The following ALOXE3 variants were observed in gnomAD, a reference collection of about 807,000 sequenced individuals.
ALOXE3 encodes the protein arachidonate epidermal lipoxygenase 3, also known as hydroperoxide isomerase ALOXE3.
A neutral mutation model predicts 87.5 loss-of-function variants in ALOXE3; 78 were observed. That is an observed-to-expected ratio of 0.89 (90% CI 0.74 to 1.08). The LOEUF (loss-of-function observed/expected upper bound fraction) is 1.08. Among genes scored for constraint, ALOXE3 ranks in the 50% least tolerant of loss-of-function variants. The pLI, the probability that ALOXE3 is intolerant of heterozygous loss-of-function variation, is 0.00. For missense variants in ALOXE3, 946 were observed against 912.4 expected, an observed-to-expected ratio of 1.04 and a Z score of -0.47; for synonymous variants, 363 against 370.8, an observed-to-expected ratio of 0.98 and a Z score of 0.24.
chr17:8,108,654 G>T, intron 12 of ALOXE3, 65 bp from the exon 13 acceptor site: 1 of 1,589,288 alleles, frequency 6.3e-7, no homozygotes. Context: ...AGGAAACCGA[G>T]GCCCACTGCT....
At chr17:8,096,942 C>G in intron 15 of ALOXE3, 136 bp from the exon 16 acceptor site, 1 of 983,892 alleles carries the variant, frequency 1.0e-6, no homozygotes. Flanking sequence ...TAAACACTTG[C>G]CCCAAACTGC....
intron 13 of ALOXE3, among the ~76,000 whole-genome samples, chr17:8,106,683 G>T (rs11078733): frequency 1.8e-3 from 272 of 152,034 alleles, no homozygotes; most frequent in African/African-American, 6.0e-3. Context: ...AAAATTATCC[G>T]GGCGTGGTAG....
Position 8,109,353 on chromosome 17 carries a change from C to A in ALOXE3, c.1393-10G>T. ...TCCCGATGGACGTGACCTGAGGACACAGCACAGCTCGGCTCCCGGGCCGGC... is the reference window on the plus strand; with the variant it reads ...TCCCGATGGACGTGACCTGAGGACAAAGCACAGCTCGGCTCCCGGGCCGGC... On this transcript the variant is annotated splice_polypyrimidine_tract_variant and intron_variant, in intron 11 of 15. Coordinates refer to ENST00000448843, the MANE Select transcript of ALOXE3 (RefSeq NM_021628.3). The A allele has an allele frequency of 6.2e-7, 1 of 1,613,180 alleles. No homozygotes were observed. Among genetic ancestry groups the A allele is most frequent in the Admixed American group, 1.7e-5 (1 of 60,020 alleles).
chr17:8,098,852 T>A (rs780782251), intron 15 of ALOXE3, among the ~76,000 whole-genome samples: 17 of 151,810 alleles, frequency 1.1e-4, no homozygotes, highest in Non-Finnish European at 1.9e-4. Flanking sequence ...ATATATATAT[T>A]TTTTTCTTTT....
At position 8,096,862 on chromosome 17, in the gene ALOXE3, C is replaced by G. The variant is rs938091581; in HGVS notation, c.1957-56G>C. ...GACATTCAGATGGGATGGGGAATAA[C>G]GGAGGACCACATGTAACAGCAAATC... On this transcript the variant is annotated intron_variant, in intron 15 of 15. Transcript: ENST00000448843. 84 of 1,584,170 alleles carry G rather than the reference C, an allele frequency of 5.3e-5. No homozygotes were observed. In the East Asian group the frequency reaches 6.7e-4, roughly 13 times the overall value.
chr17:8,112,210 A>G lies in ALOXE3; in HGVS notation c.681-14T>C, dbSNP rs756813855. ...ATTCCCAAGGACCTGATGGGAGAGG[A>G]AAAGATGAGGGTGAGGTCTGGGGGC... On this transcript the variant is annotated splice_polypyrimidine_tract_variant and intron_variant, in intron 6 of 15. Transcript: ENST00000448843. 4 of 1,603,516 alleles carry G rather than the reference A, an allele frequency of 2.5e-6. No homozygotes were observed. In the South Asian group the frequency reaches 4.4e-5, roughly 18 times the overall value.
intron 15 of ALOXE3, among the ~76,000 whole-genome samples, chr17:8,100,449 T>G (rs1048546397): frequency 1.3e-5 from 2 of 152,222 alleles, no homozygotes; most frequent in Admixed American, 1.3e-4. Flanking sequence ...CCCTAGCCAG[T>G]ACCCTCTGGA....
intron 12 of ALOXE3, 29 bp from the exon 13 acceptor site, chr17:8,108,618 G>A: frequency 6.2e-7 from 1 of 1,604,664 alleles, no homozygotes; most frequent in Non-Finnish European, 8.5e-7. Context: ...GGTACCACTG[G>A]AGTAACCACG....
rs745887340 is a variant in ALOXE3, at chr17:8,114,589, G to A, written c.575C>T (p.Pro192Leu). The stretch of plus-strand genomic sequence containing the variant: ...GATGTCAATTTTCATGGGGAAGCCG[G>A]GCAGGTACCGATTCCCACTGCTGGG... ...QGDSSGNRYL[P>L]GFPMKIDIPS... is the part of the protein sequence containing the mutation. Residue 192 changes from proline (P) to leucine (L), a missense_variant, in exon 6 of 16, where the codon CCC becomes CTC. Physicochemically the swap from Pro to Leu is moderately conservative, Grantham distance 98. Transcript: ENST00000448843. 6.2e-7 allele frequency: 1 copy of A among 1,613,984 alleles called. No homozygotes were observed. Among genetic ancestry groups the A allele is most frequent in the South Asian group, 1.1e-5 (1 of 91,062 alleles).
Position 8,114,974 on chromosome 17 carries a change from A to C in ALOXE3, c.518T>G (p.Leu173Trp). The C allele has an allele frequency of 1.2e-6, 2 of 1,614,108 alleles. No homozygotes were observed. Among genetic ancestry groups the C allele is most frequent in the Non-Finnish European group, 1.7e-6 (2 of 1,180,028 alleles). ...GTCTACACAAGTTGTCGTCTTTGTC[A>C]AGGCAAATTTCTTGTCTGACTCCAT... is the stretch of plus-strand genomic sequence containing the variant. ...QEMESDKKFA[L>W]TKTTTCVDQG... Residue 173 changes from leucine (L) to tryptophan (W), a missense_variant, in exon 5 of 16, where the codon TTG (leucine) becomes TGG (tryptophan). Transcript: ENST00000448843.
rs1226419976 is a variant in ALOXE3 at position 8,116,968 on chromosome 17, T to G, written c.160A>C (p.Lys54Gln). Residue 54 changes from lysine (K) to glutamine (Q), a missense_variant, in exon 3 of 16, where the codon AAG (lysine) becomes CAG (glutamine). Lys to Gln is a moderately conservative substitution (Grantham distance 53). Coordinates refer to ENST00000448843, the MANE Select transcript of ALOXE3 (RefSeq NM_021628.3). ...DFAPGSVQKYKVRCTAELGEL... is the reference protein window; with the variant it reads ...DFAPGSVQKYQVRCTAELGEL... ...CCCAGCTCCGCTGTGCAACGCACCT[T>G]GTACTTCTGTACCTGAGGGGACCAA... 2 of 1,613,694 alleles carry G rather than the reference T, an allele frequency of 1.2e-6. No individual in the cohort carries two copies. Among genetic ancestry groups the G allele is most frequent in the African/African-American group, 2.7e-5 (2 of 74,940 alleles).
In ALOXE3 at chr17:8,118,078, G is replaced by A. The variant is rs1980773996; in HGVS notation, c.-88C>T. The A allele has an allele frequency of 1.3e-6, 2 of 1,568,208 alleles. No homozygotes were observed. Among genetic ancestry groups the A allele is most frequent in the Non-Finnish European group, 1.7e-6 (2 of 1,158,030 alleles). Reference sequence around the variant, plus strand: ...AAGAGCGGCACGCCGGACAGGGCTGGGTTTCTGGGCGGAGGGCTAGGGGCT... The same window carrying A: ...AAGAGCGGCACGCCGGACAGGGCTGAGTTTCTGGGCGGAGGGCTAGGGGCT... On this transcript the variant is annotated 5_prime_UTR_variant, in exon 2 of 16. Transcript: ENST00000448843.
chr17:8,107,998 GGAAAGAAAGAAA>G (rs1222861475), intron 13 of ALOXE3, among the ~76,000 whole-genome samples: 605 of 6,564 alleles, frequency 0.092, 80 homozygotes, highest in Middle Eastern at 0.12. Context: ...AAGAAAGGAA[GGAAAGAAAGAAA>G]GAAAGAAAGA....
Position 8,104,099 on chromosome 17 carries a change from C to G in ALOXE3, c.1785+16G>C. ...CTGAGACCTGATGTCCCCAGGCCTGCCCTTTGTAGCCTCACCTGCCCACTG... is the reference window on the plus strand; with the variant it reads ...CTGAGACCTGATGTCCCCAGGCCTGGCCTTTGTAGCCTCACCTGCCCACTG... On this transcript the variant is annotated intron_variant, in intron 14 of 15. Transcript: ENST00000448843. The G allele has an allele frequency of 6.2e-7, 1 of 1,610,598 alleles. No individual in the cohort carries two copies. Among genetic ancestry groups the G allele is most frequent in the Non-Finnish European group, 8.5e-7 (1 of 1,177,766 alleles).
At chr17:8,118,626 T>C (rs1048815876), upstream of ALOXE3, 3 of 1,536,206 alleles carry the variant, frequency 2.0e-6, no homozygotes, top group African/African-American at 4.1e-5. Flanking sequence ...CAGGAACAGC[T>C]CCCTGTCACC....
intron 3 of ALOXE3, among the ~76,000 whole-genome samples, chr17:8,116,483 A>G (rs959269922): frequency 2.0e-5 from 3 of 152,126 alleles, no homozygotes; most frequent in African/African-American, 7.2e-5. Context: ...CTCACTCTGG[A>G]GAAGTGCAGA....
chr17:8,097,021 C>T lies in ALOXE3; in HGVS notation c.1957-215G>A, dbSNP rs113349718. ...AAACAGAGTAGGGGACAGACTGTGA[C>T]GTAGGAGCCAGCCAACCCAAATTCA... On this transcript the variant is annotated intron_variant, in intron 15 of 15. Transcript: ENST00000448843. Among the ~76,000 whole-genome samples, 570 of 152,280 alleles carry T rather than the reference C, an allele frequency of 3.7e-3. 1 individual carries two copies. The highest frequency in any genetic ancestry group is 0.017 in the South Asian group (81 of 4,828).
At chr17:8,106,283 T>A (rs1011743750) in intron 13 of ALOXE3, among the ~76,000 whole-genome samples, 3 of 152,098 alleles carry the variant, frequency 2.0e-5, no homozygotes, top group African/African-American at 7.2e-5. Context: ...CGGAGGCTGA[T>A]GCAACAGAAC....
At position 8,107,893 on chromosome 17, in the gene ALOXE3, GAA is replaced by G. The variant is rs1567996324; in HGVS notation, c.1684+573_1684+574del. Among the ~76,000 whole-genome samples the G allele has an allele frequency of 9.2e-4, 4 of 4,334 alleles. 1 individual carries two copies. The highest frequency in any genetic ancestry group is 2.3e-3 in the Admixed American group (1 of 436). The allele number at this position is 4,334 out of a possible 152,430, so 2.8% of individuals were successfully genotyped here. On this transcript the variant is annotated intron_variant, in intron 13 of 15. Coordinates refer to ENST00000448843, the MANE Select transcript of ALOXE3 (RefSeq NM_021628.3). Reference sequence around the variant, plus strand: ...AGAAAGAAAGAAAGAAAGAAAGAAAGAAAGAAAGAAAGAAAGAAAGAAAGAAA... The same window carrying G: ...AGAAAGAAAGAAAGAAAGAAAGAAAGAGAAAGAAAGAAAGAAAGAAAGAAA...
Sources: allele counts gnomAD v4.1 joint callset (sites outside exome capture counted in the v4.1 genomes callset), GRCh38; gene constraint gnomAD v4.1.1; transcripts MANE v1.5; gene names NCBI Gene and HGNC (gene_info 2026-07-23, HGNC 2026-07-21).